NUDT12: variants seen among roughly 807,000 people sequenced by gnomAD.
The protein encoded by NUDT12 is NAD-capped RNA hydrolase NUDT12.
In NUDT12, 42 loss-of-function variants were observed where a neutral mutation model predicts 45.7. That is an observed-to-expected ratio of 0.92 (90% confidence interval 0.72 to 1.19). The LOEUF (loss-of-function observed/expected upper bound fraction) is 1.19, where lower values mean the gene tolerates loss of function less well. NUDT12 is among the 50% of genes most tolerant of loss of function. The probability of loss-of-function intolerance (pLI) is 0.00; values close to 1 mark genes in which losing one functional copy is unlikely to be tolerated. For missense variants in NUDT12, 590 were observed against 533.1 expected, an observed-to-expected ratio of 1.11 and a Z score of -1.05; for synonymous variants, 206 against 179.7, an observed-to-expected ratio of 1.15 and a Z score of -1.17.
At chr5:103,556,234 ATTC>A (rs1405261737) in intron 3 of NUDT12, 136 bp from the exon 4 acceptor site, 9 of 522,530 alleles carry the variant, frequency 1.7e-5, no homozygotes, top group South Asian at 6.3e-5. Context: ...TATAATGCGT[ATTC>A]TTCTTTTAAA....
In NUDT12 at chr5:103,560,089, C is replaced by T. The variant is rs1221186268; in HGVS notation, c.160G>A (p.Ala54Thr). The T allele has an allele frequency of 4.3e-6, 7 of 1,613,900 alleles. No homozygotes were observed. Among genetic ancestry groups the T allele is most frequent in the Non-Finnish European group, 5.9e-6 (7 of 1,179,848 alleles). ...ACTATCTCTGGGTGCCCATTCCTTG[C>T]CGCATACATTAAAGCAGTCCAGCCA... ...ENGWTALMYA[A>T]RNGHPEIVQF... Residue 54 changes from alanine to threonine, a missense_variant, in exon 2 of 7, where the codon GCA (alanine) becomes ACA (threonine). Physicochemically the swap from Ala to Thr is moderately conservative, Grantham distance 58. Coordinates refer to ENST00000230792, the MANE Select transcript of NUDT12 (RefSeq NM_031438.4).
intron 3 of NUDT12, among the ~76,000 whole-genome samples, chr5:103,558,654 T>A (rs976649703): frequency 6.6e-6 from 1 of 152,148 alleles, no homozygotes; most frequent in African/African-American, 2.4e-5. Context: ...GAGATCATCA[T>A]GCACCAGGGT....
intron 5 of NUDT12, among the ~76,000 whole-genome samples, chr5:103,553,783 A>C (rs1748728692): frequency 6.6e-6 from 1 of 152,114 alleles, no homozygotes; most frequent in Admixed American, 6.6e-5. Context: ...CCAGCAGTTA[A>C]GACAATGACC....
chr5:103,557,350 A>G (rs1748860379), intron 3 of NUDT12, among the ~76,000 whole-genome samples: 2 of 148,564 alleles, frequency 1.3e-5, no homozygotes, highest in South Asian at 4.3e-4. Context: ...TGATTTCTCC[A>G]CAGGTGTGGA....
chr5:103,554,489 A>C, intron 5 of NUDT12: 1 of 203,228 alleles, frequency 4.9e-6, no homozygotes, highest in Non-Finnish European at 9.6e-6. Flanking sequence ...GGTCAAGAGC[A>C]ACATATCAAA....
At position 103,554,872 on chromosome 5, in the gene NUDT12, AG is replaced by A; in HGVS notation, c.965-20del. ...ACTGGATCTGTTGAAAAAAAAAATC[AG>A]ATACATGAATGGCAGGAAAAACGAA... is the stretch of plus-strand genomic sequence containing the variant. On this transcript the variant is annotated intron_variant, in intron 4 of 6. Transcript: ENST00000230792. 1 of 979,102 alleles carries A rather than the reference AG, an allele frequency of 1.0e-6. No homozygotes were observed. Among genetic ancestry groups the A allele is most frequent in the Non-Finnish European group, 1.5e-6 (1 of 649,202 alleles). 60.7% of individuals were successfully genotyped at this position (979,102 alleles called of 1,614,324 possible).
In NUDT12 at chr5:103,562,771, T is replaced by G. The variant is rs192460723; in HGVS notation, c.-75A>C. The stretch of plus-strand genomic sequence containing the variant: ...ATTGGGATATCCCACTCGCTTTTCC[T>G]GGAGCCGGATGCAGTCTTCCCGACT... On this transcript the variant is annotated 5_prime_UTR_variant, in exon 1 of 7. Coordinates refer to ENST00000230792, the MANE Select transcript of NUDT12 (RefSeq NM_031438.4). 1 of 104,258 alleles carries G rather than the reference T, an allele frequency of 9.6e-6. No individual in the cohort carries two copies. The highest frequency in any genetic ancestry group is 3.3e-5 in the African/African-American group (1 of 30,148). 6.5% of individuals were successfully genotyped at this position (104,258 alleles called of 1,614,324 possible).
At chr5:103,556,960 G>A (rs1026663782) in intron 3 of NUDT12, among the ~76,000 whole-genome samples, 4 of 151,922 alleles carry the variant, frequency 2.6e-5, no homozygotes, top group Admixed American at 6.6e-5. Flanking sequence ...TGCCTGCTAC[G>A]TAACCTTGTA....
Position 103,549,875 on chromosome 5 carries a change from G to C in NUDT12, c.*986C>G, listed in dbSNP as rs1319434589. ...ATACTTACTTTGTCAAGGCTTCTTA[G>C]AATGTGTTGAAATAAGGTCAAAGCC... is the stretch of plus-strand genomic sequence containing the variant. On this transcript the variant is annotated 3_prime_UTR_variant, in exon 7 of 7. Coordinates refer to ENST00000230792, the MANE Select transcript of NUDT12 (RefSeq NM_031438.4). 2 of 152,060 alleles carry C rather than the reference G, an allele frequency of 1.3e-5. No individual in the cohort carries two copies. Among genetic ancestry groups the C allele is most frequent in the Non-Finnish European group, 2.9e-5 (2 of 68,002 alleles). The allele number at this position is 152,060 out of a possible 1,614,324, so 9.4% of individuals were successfully genotyped here.
chr5:103,558,935 C>A lies in NUDT12; in HGVS notation c.740G>T (p.Cys247Phe). Residue 247 changes from cysteine (C) to phenylalanine (F), a missense_variant, in exon 3 of 7, where the codon TGT (cysteine) becomes TTT (phenylalanine). Cys to Phe is a radical substitution (Grantham distance 205, BLOSUM62 -2). Coordinates refer to ENST00000230792, the MANE Select transcript of NUDT12 (RefSeq NM_031438.4). ...TGGCATAGGAGGATGAAGAAAGTAA[C>A]AATTTTCATGTCTTTGCTTGAATTC... ...AEEFKQRHEN[C>F]YFLHPPMPAL... 6.2e-7 allele frequency: 1 copy of A among 1,609,190 alleles called. No individual in the cohort carries two copies. Among genetic ancestry groups the A allele is most frequent in the Non-Finnish European group, 8.5e-7 (1 of 1,178,142 alleles).
At position 103,550,854 on chromosome 5, in the gene NUDT12, CTTAGAT is replaced by C. The variant is rs771390182; in HGVS notation, c.*1_*6del. On this transcript the variant is annotated 3_prime_UTR_variant, in exon 7 of 7. Transcript: ENST00000230792. ...ATTAAATAATACTCAAAGCTTAGTT[CTTAGAT>C]TTAGAGATTAGGATTTATTCTAATC... The C allele has an allele frequency of 7.3e-5, 115 of 1,573,368 alleles. No homozygotes were observed. Among genetic ancestry groups the C allele is most frequent in the African/African-American group, 1.2e-4 (9 of 73,948 alleles).
At chr5:103,551,581 T>A (rs1748655223) in intron 6 of NUDT12, among the ~76,000 whole-genome samples, 1 of 152,332 alleles carries the variant, frequency 6.6e-6, no homozygotes, top group African/African-American at 2.4e-5. Context: ...TGAAACAGAT[T>A]CTTTTTTATA....
Position 103,558,878 on chromosome 5 carries a change from C to A in NUDT12, c.796+1G>T. ...AATGAAAAGCAGCATTCATTTCTTACCAGCTTCTTTTTCTTTCAATTGCAG... is the reference window on the plus strand; with the variant it reads ...AATGAAAAGCAGCATTCATTTCTTAACAGCTTCTTTTTCTTTCAATTGCAG... On this transcript the variant is annotated splice_donor_variant, in intron 3 of 6. Transcript: ENST00000230792. LOFTEE classifies it high-confidence loss of function. 4 of 1,546,286 alleles carry A rather than the reference C, an allele frequency of 2.6e-6. No individual in the cohort carries two copies. Among genetic ancestry groups the A allele is most frequent in the Non-Finnish European group, 3.5e-6 (4 of 1,149,764 alleles).
chr5:103,560,396 C>T (rs1748997120), intron 1 of NUDT12, 142 bp from the exon 2 acceptor site: 4 of 617,528 alleles, frequency 6.5e-6, no homozygotes, highest in Non-Finnish European at 1.2e-5. Flanking sequence ...AAACAGCATA[C>T]ATTTCAATTT....
chr5:103,558,731 G>C, intron 3 of NUDT12, 148 bp downstream of exon 3: 1 of 576,546 alleles, frequency 1.7e-6, no homozygotes, highest in Non-Finnish European at 3.0e-6. Flanking sequence ...GTCCCCTAGG[G>C]TGAGAACTTT....
rs376786608 is a variant in NUDT12, at chr5:103,550,938, C to T, written c.1312G>A (p.Ala438Thr). 4.3e-6 allele frequency: 7 copies of T among 1,613,576 alleles called. No individual in the cohort carries two copies. The highest frequency in any genetic ancestry group is 5.9e-6 in the Non-Finnish European group (7 of 1,179,814). ...GCTCGGCTTGGTGGCACAAAGAATG[C>T]CTGCTGCTTCCCTTTGGTCAGAACA... ...LDVLTKGKQQ[A>T]FFVPPSRAIA... The change falls in exon 7 of 7, where the codon GCA (alanine) becomes ACA (threonine). Residue 438 changes from alanine to threonine, a missense_variant. By Grantham distance (58) the Ala-to-Thr change is moderately conservative (BLOSUM62 0). Transcript: ENST00000230792.
At chr5:103,562,242 T>C (rs975147842) in intron 1 of NUDT12, among the ~76,000 whole-genome samples, 2 of 152,092 alleles carry the variant, frequency 1.3e-5, no homozygotes, top group African/African-American at 4.8e-5. Flanking sequence ...ACAGACCGAA[T>C]GGGACAGGAC....
chr5:103,557,868 ATC>A lies in NUDT12; in HGVS notation c.796+1009_796+1010del, dbSNP rs140288528. On this transcript the variant is annotated intron_variant, in intron 3 of 6. Coordinates refer to ENST00000230792, the MANE Select transcript of NUDT12 (RefSeq NM_031438.4). ...CTCAGTAGTTTTTTGGGATTTAAGT[ATC>A]TGTGTGTTGATGACTGCCATATGGG... Among the ~76,000 whole-genome samples the A allele has an allele frequency of 9.7e-3, 1,468 of 152,054 alleles. 22 individuals carry two copies. The highest frequency in any genetic ancestry group is 0.034 in the African/African-American group (1,392 of 41,492).
chr5:103,553,022 G>A (rs897498370), intron 5 of NUDT12, among the ~76,000 whole-genome samples: 1 of 151,992 alleles, frequency 6.6e-6, no homozygotes, highest in Non-Finnish European at 1.5e-5. Context: ...ATTAGAATAG[G>A]GGAAATTGTT....
Sources: gnomAD v4.1 joint callset for allele counts (sites outside exome capture counted in the v4.1 genomes callset) on GRCh38, gnomAD v4.1.1 for gene constraint, MANE v1.5 for transcripts, NCBI Gene and HGNC (gene_info 2026-07-23, HGNC 2026-07-21) for gene names.